The following RAB7A variants were observed in gnomAD, a reference collection of about 807,000 sequenced individuals.
RAB7A encodes ras-related protein Rab-7a.
In RAB7A, 2 loss-of-function variants were observed where a neutral mutation model predicts 24.5. The ratio of observed to expected loss-of-function variants is 0.08; its 90% CI spans 0.03 to 0.26. RAB7A has a LOEUF of 0.26. Ranked by LOEUF, RAB7A falls within the 10% of genes least tolerant of loss-of-function variation. The pLI is 1.00. For synonymous variants in RAB7A, 100 were observed against 95.9 expected, an observed-to-expected ratio of 1.04 and a Z score of -0.25; for missense variants, 118 against 255.7, an observed-to-expected ratio of 0.46 and a Z score of 3.67.
intron 1 of RAB7A, among the ~76,000 whole-genome samples, chr3:128,756,388 A>G (rs1244032562): frequency 1.3e-5 from 2 of 152,168 alleles, no homozygotes; most frequent in African/African-American, 4.8e-5. Flanking sequence ...ACAATGAACA[A>G]TCTGAAAAGG....
intron 5 of RAB7A, among the ~76,000 whole-genome samples, chr3:128,808,041 C>T (rs948741178): frequency 6.6e-6 from 1 of 152,052 alleles, no homozygotes; most frequent in African/African-American, 2.4e-5. Context: ...GCGTACCAAT[C>T]GTTATATCTA....
In RAB7A at chr3:128,809,723, CAA is replaced by C. The variant is rs145216550; in HGVS notation, c.528+2053_528+2054del. ...GAAAAGAGAGACTTGCCTTTCCTCT[CAA>C]GAGAGCTCAGCCAGTTGTTTGAAAT... On this transcript the variant is annotated intron_variant, in intron 5 of 5. Coordinates refer to ENST00000265062, the MANE Select transcript of RAB7A (RefSeq NM_004637.6). 8.8e-3 allele frequency among the ~76,000 whole-genome samples: 1,332 copies of C among 152,146 alleles called. 23 individuals are homozygous for C. Among genetic ancestry groups the C allele is most frequent in the African/African-American group, 0.03 (1,254 of 41,510 alleles).
intron 1 of RAB7A, among the ~76,000 whole-genome samples, chr3:128,794,712 G>GT (rs1933530590): frequency 6.6e-6 from 1 of 152,090 alleles, no homozygotes; most frequent in Admixed American, 6.5e-5. Context: ...CTGGTTATGA[G>GT]TAGACAAGGC....
intron 1 of RAB7A, among the ~76,000 whole-genome samples, chr3:128,734,343 A>G (rs532257359): frequency 6.6e-6 from 1 of 151,710 alleles, no homozygotes; most frequent in East Asian, 1.9e-4. Flanking sequence ...AGACATGACA[A>G]TCGCTCGAAC....
At chr3:128,782,954 A>G (rs1933251988) in intron 1 of RAB7A, among the ~76,000 whole-genome samples, 1 of 152,172 alleles carries the variant, frequency 6.6e-6, no homozygotes, top group Non-Finnish European at 1.5e-5. Flanking sequence ...TCATTTGAGT[A>G]AGAGAGTGTC....
intron 1 of RAB7A, among the ~76,000 whole-genome samples, chr3:128,748,011 A>G (rs1576274752): frequency 6.6e-6 from 1 of 151,922 alleles, no homozygotes; most frequent in East Asian, 1.9e-4. Context: ...CAAATGATCC[A>G]CCCACCTCTG....
At chr3:128,760,141 C>G (rs921648772) in intron 1 of RAB7A, among the ~76,000 whole-genome samples, 1 of 152,230 alleles carries the variant, frequency 6.6e-6, no homozygotes, top group East Asian at 1.9e-4. Context: ...GGCTGCCCTC[C>G]CCAGCGTGGG....
intron 3 of RAB7A, among the ~76,000 whole-genome samples, chr3:128,802,054 A>G (rs766614061): frequency 7.9e-5 from 12 of 152,184 alleles, no homozygotes; most frequent in Non-Finnish European, 1.5e-4. Context: ...GTACATCTTT[A>G]AGGGCTAGTG....
chr3:128,752,413 AAG>A (rs1195056569), intron 1 of RAB7A, among the ~76,000 whole-genome samples: 6 of 152,064 alleles, frequency 3.9e-5, no homozygotes, highest in East Asian at 1.9e-4. Context: ...AGAAAATAAA[AAG>A]AAAAAATAAT....
intron 1 of RAB7A, among the ~76,000 whole-genome samples, chr3:128,751,238 C>G (rs1460634781): frequency 6.6e-6 from 1 of 152,168 alleles, no homozygotes; most frequent in Non-Finnish European, 1.5e-5. Context: ...AGAGGGCCAC[C>G]ATCCTTCAGA....
intron 1 of RAB7A, among the ~76,000 whole-genome samples, chr3:128,757,322 G>A (rs1408240251): frequency 1.3e-5 from 2 of 152,092 alleles, no homozygotes; most frequent in Admixed American, 6.6e-5. Flanking sequence ...TGAAGTGAAA[G>A]TGTGCCATTT....
At chr3:128,731,420 C>A (rs557730105) in intron 1 of RAB7A, among the ~76,000 whole-genome samples, 2 of 152,226 alleles carry the variant, frequency 1.3e-5, no homozygotes, top group African/African-American at 2.4e-5. Flanking sequence ...CTGACCTGCA[C>A]CATGTTAATG....
chr3:128,795,750 G>GTTTTTTTTTTTTTTT (rs1491091651), intron 2 of RAB7A, among the ~76,000 whole-genome samples: 11 of 6,874 alleles, frequency 1.6e-3, no homozygotes, highest in South Asian at 0.014. Context: ...TAGCAGATGT[G>GTTTTTTTTTTTTTTT]CTTTTTTTTT....
At chr3:128,764,107 T>G (rs894384091) in intron 1 of RAB7A, among the ~76,000 whole-genome samples, 1 of 152,084 alleles carries the variant, frequency 6.6e-6, no homozygotes, top group East Asian at 1.9e-4. Flanking sequence ...CCACAAGCTG[T>G]CCCACAGAGA....
intron 3 of RAB7A, among the ~76,000 whole-genome samples, chr3:128,804,114 G>GCCCCCCCCCCC (rs200546571): frequency 2.0e-5 from 3 of 146,878 alleles, no homozygotes; most frequent in African/African-American, 7.7e-5. Flanking sequence ...ACCTCCCTGG[G>GCCCCCCCCCCC]CCCCCCCCCG....
At chr3:128,776,187 G>A (rs1028108583) in intron 1 of RAB7A, among the ~76,000 whole-genome samples, 2 of 152,094 alleles carry the variant, frequency 1.3e-5, no homozygotes, top group Non-Finnish European at 2.9e-5. Flanking sequence ...ATGTTCTCCA[G>A]GTTCATCCTC....
intron 1 of RAB7A, among the ~76,000 whole-genome samples, chr3:128,750,929 G>T: frequency 6.6e-6 from 1 of 152,222 alleles, no homozygotes; most frequent in East Asian, 1.9e-4. Flanking sequence ...CTCCAGCCGT[G>T]GCTGAAAGGA....
intron 5 of RAB7A, among the ~76,000 whole-genome samples, chr3:128,812,424 A>AT (rs377042303): frequency 0.012 from 1,864 of 152,220 alleles, 39 homozygotes; most frequent in African/African-American, 0.043. Context: ...CAAAGCTGTT[A>AT]TTTTTTTAAG....
At chr3:128,780,063 A>C (rs1300033508) in intron 1 of RAB7A, among the ~76,000 whole-genome samples, 3 of 152,238 alleles carry the variant, frequency 2.0e-5, no homozygotes, top group Admixed American at 6.5e-5. Context: ...ATGTTCCTCC[A>C]TGGGGGTCTT....
Sources: allele counts gnomAD v4.1 joint callset (sites outside exome capture counted in the v4.1 genomes callset), GRCh38; gene constraint gnomAD v4.1.1; transcripts MANE v1.5; gene names NCBI Gene and HGNC (gene_info 2026-07-23, HGNC 2026-07-21).